SLC4A8: variants seen among roughly 807,000 people sequenced by gnomAD.
SLC4A8 encodes electroneutral sodium bicarbonate exchanger 1.
A neutral mutation model predicts 125.0 loss-of-function variants in SLC4A8; 40 were observed. The ratio of observed to expected loss-of-function variants is 0.32; its 90% CI spans 0.25 to 0.42. The LOEUF (loss-of-function observed/expected upper bound fraction) is 0.42. SLC4A8 is among the 10% of genes least tolerant of loss of function. The pLI is 1.00. For missense variants in SLC4A8, 863 were observed against 1,355.1 expected (o/e 0.64, Z 5.70); for synonymous variants, 456 against 476.0 (o/e 0.96, Z 0.55).
chr12:51,489,736 G>A lies in SLC4A8; in HGVS notation c.2485G>A (p.Ala829Thr). 6.2e-7 allele frequency: 1 copy of A among 1,614,094 alleles called. No homozygotes were observed. The highest frequency in any genetic ancestry group is 1.1e-5 in the South Asian group (1 of 91,076). The change falls in exon 19 of 25, where the codon GCC becomes ACC. Residue 829 changes from alanine to threonine, a missense_variant. Physicochemically the swap from Ala to Thr is moderately conservative, Grantham distance 58. Transcript: ENST00000453097. Reference sequence around the variant, plus strand: ...CTACCACCTGGACCTACTGATGGTGGCCATCATGCTGGGTGTCTGCTCCAT... The same window carrying A: ...CTACCACCTGGACCTACTGATGGTGACCATCATGCTGGGTGTCTGCTCCAT... ...CGYHLDLLMV[A>T]IMLGVCSIMG...
intron 14 of SLC4A8, among the ~76,000 whole-genome samples, chr12:51,473,021 T>G (rs1319673292): frequency 6.6e-6 from 1 of 152,150 alleles, no homozygotes; most frequent in Non-Finnish European, 1.5e-5. Flanking sequence ...AGTGGTAAGT[T>G]TGTTACAATC....
intron 15 of SLC4A8, 124 bp from the exon 16 acceptor site, chr12:51,474,921 G>A (rs946061593): frequency 1.2e-6 from 1 of 853,850 alleles, no homozygotes; most frequent in Non-Finnish European, 1.8e-6. Flanking sequence ...AAGGTCAAGG[G>A]GATGCTGCTT....
chr12:51,494,738 GA>G (rs1275014223), intron 20 of SLC4A8: 3 of 457,048 alleles, frequency 6.6e-6, no homozygotes, highest in Admixed American at 7.3e-5. Context: ...CCTAGAATTA[GA>G]AAAGATGGAT....
intron 22 of SLC4A8, chr12:51,501,907 G>C (rs1291726176): frequency 1.3e-5 from 2 of 152,202 alleles, no homozygotes; most frequent in African/African-American, 4.8e-5. Flanking sequence ...GATGATGCAT[G>C]ATGTTGACCA....
intron 2 of SLC4A8, among the ~76,000 whole-genome samples, chr12:51,443,068 TTTTA>T (rs1404107890): frequency 2.6e-5 from 4 of 152,162 alleles, no homozygotes. Context: ...CCTTACCACA[TTTTA>T]TTTATTTATA....
At chr12:51,477,373 A>G (rs1370984523) in intron 16 of SLC4A8, among the ~76,000 whole-genome samples, 1 of 152,226 alleles carries the variant, frequency 6.6e-6, no homozygotes, top group Admixed American at 6.5e-5. Context: ...AAATATTTTA[A>G]TGAAACTATA....
chr12:51,400,062 G>C (rs571572424), intron 1 of SLC4A8, among the ~76,000 whole-genome samples: 2 of 152,080 alleles, frequency 1.3e-5, no homozygotes, highest in African/African-American at 2.4e-5. Flanking sequence ...CCTGGGTGTG[G>C]TGGGTGGAGT....
chr12:51,450,910 G>T lies in SLC4A8; in HGVS notation c.165G>T (p.Pro55=). 6.2e-7 allele frequency: 1 copy of T among 1,612,430 alleles called. No homozygotes were observed. The highest frequency in any genetic ancestry group is 1.3e-5 in the African/African-American group (1 of 75,000). Residue 55 remains proline (P), a synonymous_variant, in exon 3 of 25, where the codon CCG becomes CCT. Transcript: ENST00000453097. ...CTCTGTATGTGGGAGTTCGGATGCC[G>T]CTTGGCCGGCAGAGCCATCGGCATC... is the stretch of plus-strand genomic sequence containing the variant. ...HRTLYVGVRM[P]LGRQSHRHHR... is the part of the protein sequence containing the mutation.
chr12:51,471,138 A>G, intron 13 of SLC4A8, 149 bp from the exon 14 acceptor site: 1 of 756,702 alleles, frequency 1.3e-6, no homozygotes, highest in South Asian at 1.7e-5. Context: ...ACTGTGCCAG[A>G]GCACTATTTA....
chr12:51,499,243 G>A (rs1401377274), intron 22 of SLC4A8, among the ~76,000 whole-genome samples: 2 of 151,974 alleles, frequency 1.3e-5, no homozygotes, highest in African/African-American at 4.8e-5. Context: ...AAAAACATAG[G>A]GAATATAAAA....
intron 4 of SLC4A8, among the ~76,000 whole-genome samples, chr12:51,452,634 ACTT>A (rs1445674971): frequency 1.3e-5 from 2 of 152,160 alleles, no homozygotes; most frequent in African/African-American, 4.8e-5. Flanking sequence ...ATAGGTCCAG[ACTT>A]CTTCTGCAGG....
intron 1 of SLC4A8, among the ~76,000 whole-genome samples, chr12:51,408,630 C>T (rs976205723): frequency 7.2e-5 from 11 of 152,198 alleles, no homozygotes; most frequent in African/African-American, 1.9e-4. Context: ...GGGGCGACAG[C>T]GCAGGAGCAT....
chr12:51,471,606 G>C lies in SLC4A8; in HGVS notation c.1904+74G>C, dbSNP rs961339296. Reference sequence around the variant, plus strand: ...TTTAATTGCTGATGTAGAGTGCTAGGCAGTGCTTACAGCTTCTGGTCAAGA... The same window carrying C: ...TTTAATTGCTGATGTAGAGTGCTAGCCAGTGCTTACAGCTTCTGGTCAAGA... On this transcript the variant is annotated intron_variant, in intron 14 of 24. Coordinates refer to ENST00000453097, the MANE Select transcript of SLC4A8 (RefSeq NM_001039960.3). 7.9e-6 allele frequency: 12 copies of C among 1,513,682 alleles called. No individual in the cohort carries two copies. The African/African-American group carries it at 1.7e-4, about 21-fold the overall frequency. The allele number at this position is 1,513,682 out of a possible 1,614,324, so 93.8% of individuals were successfully genotyped here.
intron 5 of SLC4A8, among the ~76,000 whole-genome samples, chr12:51,456,130 T>G (rs1226213677): frequency 1.3e-5 from 2 of 152,096 alleles, no homozygotes; most frequent in Non-Finnish European, 1.5e-5. Flanking sequence ...GTGGGCAGTG[T>G]CAGTAAGGGA....
intron 2 of SLC4A8, among the ~76,000 whole-genome samples, chr12:51,442,639 A>C (rs555728244): frequency 6.6e-6 from 1 of 152,332 alleles, no homozygotes; most frequent in African/African-American, 2.4e-5. Flanking sequence ...GGTCCTTTGT[A>C]CGTAGACTTT....
chr12:51,434,174 C>G (rs1046507450), intron 1 of SLC4A8, among the ~76,000 whole-genome samples: 1 of 152,060 alleles, frequency 6.6e-6, no homozygotes, highest in South Asian at 2.1e-4. Flanking sequence ...AGAGCCTGGC[C>G]ACACAATCTT....
At chr12:51,443,125 T>C (rs1448810860) in intron 2 of SLC4A8, among the ~76,000 whole-genome samples, 2 of 152,166 alleles carry the variant, frequency 1.3e-5, no homozygotes, top group Middle Eastern at 3.2e-3. Flanking sequence ...TTTTTTGTTT[T>C]TGTTTGATTG....
intron 5 of SLC4A8, among the ~76,000 whole-genome samples, chr12:51,456,837 GTTAAC>G (rs1454906279): frequency 6.6e-6 from 1 of 152,186 alleles, no homozygotes; most frequent in Non-Finnish European, 1.5e-5. Context: ...TGAGTGGTTA[GTTAAC>G]TTAATTTTTC....
chr12:51,488,593 C>T (rs1412786873), intron 17 of SLC4A8, 106 bp from the exon 18 acceptor site: 13 of 752,034 alleles, frequency 1.7e-5, no homozygotes, highest in Admixed American at 1.0e-4. Flanking sequence ...TTTTTAAGAA[C>T]CTCACTCAAG....
Sources: allele counts gnomAD v4.1 joint callset (sites outside exome capture counted in the v4.1 genomes callset), GRCh38; gene constraint gnomAD v4.1.1; transcripts MANE v1.5; gene names NCBI Gene and HGNC (gene_info 2026-07-23, HGNC 2026-07-21).